Variants in ACTR3C observed in about 807,000 individuals in gnomAD.
ACTR3C encodes actin-related protein 3C.
Under a neutral mutation model 26.3 loss-of-function variants are expected in ACTR3C, and 18 were observed. That is an observed-to-expected ratio of 0.68 (90% CI 0.47 to 1.01). ACTR3C has a LOEUF of 1.01. ACTR3C is among the 50% of genes least tolerant of loss of function. The pLI is 0.00. For missense variants in ACTR3C, 184 were observed against 250.7 expected, an observed-to-expected ratio of 0.73 and a Z score of 1.80; for synonymous variants, 55 against 94.5, an observed-to-expected ratio of 0.58 and a Z score of 2.42.
the ACTR3C span, among the ~76,000 whole-genome samples, chr7:150,030,910 A>G: frequency 6.6e-6 from 1 of 152,150 alleles, no homozygotes; most frequent in Non-Finnish European, 1.5e-5. Context: ...ACAACAGCAG[A>G]GGGCTCTGTT....
At chr7:150,213,028 G>A in the ACTR3C span, among the ~76,000 whole-genome samples, 7 of 151,626 alleles carry the variant, frequency 4.6e-5, no homozygotes, top group East Asian at 3.9e-4. Flanking sequence ...TGTGGAAAAC[G>A]ACAGATACCA....
chr7:149,905,662 T>C, the ACTR3C span, among the ~76,000 whole-genome samples: 4 of 149,572 alleles, frequency 2.7e-5, no homozygotes, highest in East Asian at 7.8e-4. Context: ...AATAGAAAAA[T>C]GGGCAAAGAT....
At chr7:150,176,602 G>A in the ACTR3C span, among the ~76,000 whole-genome samples, 2 of 150,870 alleles carry the variant, frequency 1.3e-5, no homozygotes, top group African/African-American at 5.0e-5. Flanking sequence ...ATCAAATCAC[G>A]ATTATGAGGC....
intron 2 of ACTR3C, among the ~76,000 whole-genome samples, chr7:150,294,852 C>A (rs1161375100): frequency 2.0e-5 from 3 of 151,400 alleles, no homozygotes; most frequent in Non-Finnish European, 4.4e-5. Context: ...CATGAAAACA[C>A]AGGGTCCCTC....
At chr7:150,113,129 T>C in the ACTR3C span, among the ~76,000 whole-genome samples, 1 of 151,832 alleles carries the variant, frequency 6.6e-6, no homozygotes, top group African/African-American at 2.4e-5. Flanking sequence ...TGCTGAGTCC[T>C]CCGACGGTGG....
At chr7:150,020,597 A>G in the ACTR3C span, among the ~76,000 whole-genome samples, 4 of 152,030 alleles carry the variant, frequency 2.6e-5, no homozygotes, top group Admixed American at 1.3e-4. Context: ...ACACCTGGCT[A>G]TCAGTGGAGA....
At chr7:149,886,889 G>A in the ACTR3C span, among the ~76,000 whole-genome samples, 1 of 152,056 alleles carries the variant, frequency 6.6e-6, no homozygotes, top group South Asian at 2.1e-4. Context: ...GAGCCCAGGA[G>A]GTTGAGGCTA....
chr7:149,957,084 T>C, the ACTR3C span, among the ~76,000 whole-genome samples: 3 of 152,230 alleles, frequency 2.0e-5, no homozygotes, highest in African/African-American at 7.2e-5. Context: ...GACTTCTTAG[T>C]TGTTGTGGTC....
At chr7:149,937,164 C>T in the ACTR3C span, among the ~76,000 whole-genome samples, 1 of 125,614 alleles carries the variant, frequency 8.0e-6, no homozygotes, top group Non-Finnish European at 1.7e-5. Flanking sequence ...TGTGAATAAC[C>T]TGTAGAGAAG....
At chr7:150,055,235 G>C in the ACTR3C span, among the ~76,000 whole-genome samples, 4 of 152,228 alleles carry the variant, frequency 2.6e-5, no homozygotes, top group Admixed American at 1.3e-4. Flanking sequence ...CAGAAACTCA[G>C]GGCTGGGGCC....
At chr7:150,298,997 T>C (rs1268266644) in intron 1 of ACTR3C, among the ~76,000 whole-genome samples, 4 of 139,406 alleles carry the variant, frequency 2.9e-5, no homozygotes, top group African/African-American at 1.2e-4. Context: ...TTTTTTTTTT[T>C]TGAGACAGAG....
intron 5 of ACTR3C, among the ~76,000 whole-genome samples, chr7:150,285,370 C>T (rs1321006962): frequency 6.6e-6 from 1 of 152,172 alleles, no homozygotes; most frequent in African/African-American, 2.4e-5. Context: ...ATTGAATAAA[C>T]AGCCATAGAT....
At chr7:150,228,794 A>G in the ACTR3C span, among the ~76,000 whole-genome samples, 1 of 150,290 alleles carries the variant, frequency 6.7e-6, no homozygotes, top group African/African-American at 2.5e-5. Flanking sequence ...AAAATTTAAA[A>G]ATACATAGTA....
the ACTR3C span, among the ~76,000 whole-genome samples, chr7:149,946,980 T>C: frequency 2.7e-5 from 4 of 150,634 alleles, no homozygotes; most frequent in Non-Finnish European, 4.4e-5. Flanking sequence ...AAGCAGTGTA[T>C]CTGCCTGCTG....
the ACTR3C span, among the ~76,000 whole-genome samples, chr7:150,043,007 G>A: frequency 2.6e-5 from 4 of 151,486 alleles, no homozygotes; most frequent in Non-Finnish European, 4.4e-5. Context: ...CTCATACAAA[G>A]GCTTGGCTAA....
chr7:149,889,789 C>T, the ACTR3C span, among the ~76,000 whole-genome samples: 3 of 152,078 alleles, frequency 2.0e-5, no homozygotes, highest in African/African-American at 7.2e-5. Context: ...GTCCAGAGTC[C>T]GAGGCTGCAG....
chr7:150,030,617 A>G, the ACTR3C span, among the ~76,000 whole-genome samples: 1 of 152,292 alleles, frequency 6.6e-6, no homozygotes, highest in South Asian at 2.1e-4. Context: ...AATATCCACT[A>G]TGATTTATCT....
the ACTR3C span, among the ~76,000 whole-genome samples, chr7:150,163,730 C>T: frequency 1.4e-4 from 21 of 151,844 alleles, no homozygotes; most frequent in Admixed American, 3.9e-4. Flanking sequence ...GTCCAAGGGC[C>T]AGAGAAGATG....
intron 6 of ACTR3C, among the ~76,000 whole-genome samples, chr7:150,257,430 A>G (rs1221366968): frequency 6.6e-6 from 1 of 152,242 alleles, no homozygotes; most frequent in Non-Finnish European, 1.5e-5. Context: ...CCGTGGTACA[A>G]GGACATATGT....
Sources: allele counts gnomAD v4.1 joint callset (sites outside exome capture counted in the v4.1 genomes callset), GRCh38; gene constraint gnomAD v4.1.1; transcripts MANE v1.5; gene names NCBI Gene and HGNC (gene_info 2026-07-23, HGNC 2026-07-21).